The following SLC35F2 variants were observed in gnomAD, a reference collection of about 807,000 sequenced individuals.
The protein encoded by SLC35F2 is solute carrier family 35 member F2.
In SLC35F2, 25 loss-of-function variants were observed where a neutral mutation model predicts 38.1. That is an observed-to-expected ratio of 0.66 (90% CI 0.48 to 0.92). SLC35F2 has a LOEUF of 0.92. Among genes scored for constraint, SLC35F2 ranks in the 40% least tolerant of loss-of-function variants. The pLI, the probability that SLC35F2 is intolerant of heterozygous loss-of-function variation, is 0.00. For synonymous variants in SLC35F2, 173 were observed against 181.7 expected, an observed-to-expected ratio of 0.95 and a Z score of 0.38; for missense variants, 409 against 452.9, an observed-to-expected ratio of 0.90 and a Z score of 0.88.
At chr11:107,804,802 C>A in intron 5 of SLC35F2, 32 bp from the exon 6 acceptor site, 1 of 1,543,956 alleles carries the variant, frequency 6.5e-7, no homozygotes. Context: ...ACAGAGAGGT[C>A]CACATACTAA....
At chr11:107,834,213 TAG>T (rs1859894693) in intron 1 of SLC35F2, among the ~76,000 whole-genome samples, 1 of 152,126 alleles carries the variant, frequency 6.6e-6, no homozygotes, top group African/African-American at 2.4e-5. Context: ...CTTTCCCAGC[TAG>T]AGAGTCTTAT....
Position 107,843,709 on chromosome 11 carries a change from T to C in SLC35F2, c.110+14949A>G, listed in dbSNP as rs1286168529. The stretch of plus-strand genomic sequence containing the variant: ...ATTTCTACAAAAATTTTTTTAAAAT[T>C]AGGTCTAGAGATGCACCCCTGTAGT... On this transcript the variant is annotated intron_variant, in intron 1 of 7. Transcript: ENST00000525815. Among the ~76,000 whole-genome samples, 4 of 151,036 alleles carry C rather than the reference T, an allele frequency of 2.6e-5. No individual in the cohort carries two copies. The East Asian group carries it at 7.8e-4, about 29-fold the overall frequency.
At chr11:107,812,197 C>T (rs1033403067) in intron 2 of SLC35F2, among the ~76,000 whole-genome samples, 3 of 152,162 alleles carry the variant, frequency 2.0e-5, no homozygotes, top group African/African-American at 7.2e-5. Context: ...TGAGCTACCA[C>T]GCCTGGCTAT....
intron 6 of SLC35F2, among the ~76,000 whole-genome samples, chr11:107,804,116 G>A (rs1360816769): frequency 2.0e-5 from 3 of 151,768 alleles, no homozygotes; most frequent in Non-Finnish European, 4.4e-5. Flanking sequence ...GATTACGGGC[G>A]TGAGCCACCG....
At chr11:107,809,550 T>C (rs1859449295) in intron 3 of SLC35F2, 1 of 306,972 alleles carries the variant, frequency 3.3e-6, no homozygotes, top group Non-Finnish European at 4.8e-6. Context: ...GAGAATCACT[T>C]GAACCTGGGA....
At position 107,792,511 on chromosome 11, in the gene SLC35F2, T is replaced by G; in HGVS notation, c.*104A>C. 1 of 1,346,628 alleles carries G rather than the reference T, an allele frequency of 7.4e-7. No homozygotes were observed. Among genetic ancestry groups the G allele is most frequent in the Non-Finnish European group, 1.0e-6 (1 of 1,000,576 alleles). The allele number at this position is 1,346,628 out of a possible 1,614,324, so 83.4% of individuals were successfully genotyped here. ...CCTAACCACTGGATCCAACCCAGGG[T>G]TGTAGAGTGTCCATTCTGAGTCTGC... On this transcript the variant is annotated 3_prime_UTR_variant, in exon 8 of 8. Transcript: ENST00000525815.
chr11:107,825,739 T>A (rs1444433977), intron 1 of SLC35F2, among the ~76,000 whole-genome samples: 2 of 152,076 alleles, frequency 1.3e-5, no homozygotes, highest in Non-Finnish European at 2.9e-5. Context: ...AGACTTTGAG[T>A]GAGCAAGGGT....
intron 1 of SLC35F2, among the ~76,000 whole-genome samples, chr11:107,821,255 T>C (rs948161119): frequency 6.6e-6 from 1 of 152,228 alleles, no homozygotes; most frequent in African/African-American, 2.4e-5. Flanking sequence ...ACAGAATTCC[T>C]ACAGTAAGCT....
At position 107,792,509 on chromosome 11, in the gene SLC35F2, G is replaced by A; in HGVS notation, c.*106C>T. 7.6e-7 allele frequency: 1 copy of A among 1,312,140 alleles called. No homozygotes were observed. Among genetic ancestry groups the A allele is most frequent in the African/African-American group, 1.5e-5 (1 of 67,082 alleles). The allele number at this position is 1,312,140 out of a possible 1,614,324, so 81.3% of individuals were successfully genotyped here. Reference sequence around the variant, plus strand: ...AACCTAACCACTGGATCCAACCCAGGGTTGTAGAGTGTCCATTCTGAGTCT... The same window carrying A: ...AACCTAACCACTGGATCCAACCCAGAGTTGTAGAGTGTCCATTCTGAGTCT... On this transcript the variant is annotated 3_prime_UTR_variant, in exon 8 of 8. Coordinates refer to ENST00000525815, the MANE Select transcript of SLC35F2 (RefSeq NM_017515.5).
intron 1 of SLC35F2, among the ~76,000 whole-genome samples, chr11:107,825,567 C>T (rs1172751101): frequency 6.6e-6 from 1 of 151,946 alleles, no homozygotes; most frequent in African/African-American, 2.4e-5. Context: ...AGACGGGTTT[C>T]ACCATGTTGG....
chr11:107,799,507 T>TA (rs1859271639), intron 7 of SLC35F2, among the ~76,000 whole-genome samples: 1 of 152,220 alleles, frequency 6.6e-6, no homozygotes, highest in African/African-American at 2.4e-5. Context: ...CATTGTAGTC[T>TA]ATGACAATTT....
At chr11:107,816,327 G>A in intron 1 of SLC35F2, 1 of 977,286 alleles carries the variant, frequency 1.0e-6, no homozygotes, top group East Asian at 1.1e-4. Context: ...TATTGCTCAG[G>A]CTAGAGTGCA....
intron 3 of SLC35F2, chr11:107,811,003 C>G (rs1859471467): frequency 1.0e-6 from 1 of 984,568 alleles, no homozygotes; most frequent in African/African-American, 1.8e-5. Flanking sequence ...GACATCTAAA[C>G]CTGGCATTTG....
intron 1 of SLC35F2, among the ~76,000 whole-genome samples, chr11:107,843,707 A>G (rs2134847655): frequency 6.6e-6 from 1 of 151,498 alleles, no homozygotes; most frequent in Non-Finnish European, 1.5e-5. Context: ...TTTTTTTAAA[A>G]TTAGGTCTAG....
At chr11:107,825,573 G>A (rs1455431068) in intron 1 of SLC35F2, among the ~76,000 whole-genome samples, 3 of 151,958 alleles carry the variant, frequency 2.0e-5, no homozygotes, top group African/African-American at 7.2e-5. Context: ...GTTTCACCAT[G>A]TTGGTCAGGC....
Position 107,792,648 on chromosome 11 carries a change from C to T in SLC35F2, c.1092G>A (p.Glu364=), listed in dbSNP as rs1396767292. The change falls in exon 8 of 8, where the codon GAG becomes GAA. Residue 364 remains glutamate, a synonymous_variant. Coordinates refer to ENST00000525815, the MANE Select transcript of SLC35F2 (RefSeq NM_017515.5). ...CAGCAGAGTGGGTCTCCTGGAGGTTCTCCTCCAGCTTCAGCCCCAGGTTGT... is the reference window on the plus strand; with the variant it reads ...CAGCAGAGTGGGTCTCCTGGAGGTTTTCCTCCAGCTTCAGCCCCAGGTTGT... The part of the protein sequence containing the change: ...GIDNLGLKLE[E]NLQETHSAVL 9 of 1,613,206 alleles carry T rather than the reference C, an allele frequency of 5.6e-6. No individual in the cohort carries two copies. Among genetic ancestry groups the T allele is most frequent in the Non-Finnish European group, 7.6e-6 (9 of 1,179,746 alleles).
At chr11:107,792,828 G>C in intron 7 of SLC35F2, 28 bp from the exon 8 acceptor site, 1 of 1,531,438 alleles carries the variant, frequency 6.5e-7, no homozygotes, top group Non-Finnish European at 8.8e-7. Context: ...GCAGTGAATT[G>C]TGCCCCTCAC....
At chr11:107,839,997 G>A (rs1337287916) in intron 1 of SLC35F2, among the ~76,000 whole-genome samples, 2 of 152,142 alleles carry the variant, frequency 1.3e-5, no homozygotes, top group Non-Finnish European at 2.9e-5. Context: ...ATATGGGTCA[G>A]AGGAACTTAA....
intron 3 of SLC35F2, among the ~76,000 whole-genome samples, chr11:107,808,956 CTT>C (rs970611415): frequency 3.9e-5 from 6 of 152,188 alleles, no homozygotes; most frequent in African/African-American, 1.2e-4. Context: ...TCTTTAACAA[CTT>C]TTGTTGGGCA....
Sources: gnomAD v4.1 joint callset for allele counts (sites outside exome capture counted in the v4.1 genomes callset) on GRCh38, gnomAD v4.1.1 for gene constraint, MANE v1.5 for transcripts, NCBI Gene and HGNC (gene_info 2026-07-23, HGNC 2026-07-21) for gene names.